GCNT1: variants seen among roughly 807,000 people sequenced by gnomAD.
GCNT1 encodes the protein beta-1,3-galactosyl-O-glycosyl-glycoprotein beta-1,6-N-acetylglucosaminyltransferase.
In GCNT1, 16 loss-of-function variants were observed where a neutral mutation model predicts 26.2. The observed-to-expected ratio is 0.61, with a 90% CI of 0.41 to 0.93. The LOEUF is 0.93. Among genes scored for constraint, GCNT1 ranks in the 40% least tolerant of loss-of-function variants. GCNT1 has a pLI of 0.00. For missense variants in GCNT1, 477 were observed against 526.7 expected (o/e 0.91, Z 0.92); for synonymous variants, 183 against 190.8 (o/e 0.96, Z 0.34).
chr9:76,481,551 T>C lies in GCNT1; in HGVS notation c.-289-19365T>C, dbSNP rs527975282. 2.0e-4 allele frequency among the ~76,000 whole-genome samples: 31 copies of C among 152,248 alleles called. No homozygotes were observed. The South Asian group carries it at 4.8e-3, about 23-fold the overall frequency. ...ACCCCTGCTTTAGAACATTGATTTGTATCAGTTATATATAAAAGCTGATTA... is the reference window on the plus strand; with the variant it reads ...ACCCCTGCTTTAGAACATTGATTTGCATCAGTTATATATAAAAGCTGATTA... On this transcript the variant is annotated intron_variant, in intron 2 of 3. Transcript: ENST00000376730.
chr9:76,394,817 T>A, the GCNT1 span, among the ~76,000 whole-genome samples: 18 of 152,210 alleles, frequency 1.2e-4, no homozygotes, highest in Admixed American at 3.3e-4. Flanking sequence ...AACCGCTGGG[T>A]TGAACGTCAG....
chr9:76,467,363 A>T (rs1241414923), intron 2 of GCNT1, among the ~76,000 whole-genome samples: 1 of 152,022 alleles, frequency 6.6e-6, no homozygotes, highest in African/African-American at 2.4e-5. Flanking sequence ...TTTGATGGGC[A>T]TCAAAGCCAC....
intron 2 of GCNT1, among the ~76,000 whole-genome samples, chr9:76,462,307 G>T (rs1419819460): frequency 1.3e-5 from 2 of 152,182 alleles, no homozygotes; most frequent in East Asian, 1.9e-4. Flanking sequence ...TGTGTTTCTT[G>T]TGGAGACTGT....
upstream of GCNT1, among the ~76,000 whole-genome samples, chr9:76,458,690 T>C (rs1823805952): frequency 6.6e-6 from 1 of 152,162 alleles, no homozygotes; most frequent in Non-Finnish European, 1.5e-5. Flanking sequence ...TTCCACAGTT[T>C]AATTTGATCT....
intron 2 of GCNT1, among the ~76,000 whole-genome samples, chr9:76,469,437 C>T (rs893946623): frequency 1.3e-5 from 2 of 152,144 alleles, no homozygotes; most frequent in Non-Finnish European, 2.9e-5. Context: ...GAGAGCACAG[C>T]GGGAGGGACA....
At chr9:76,423,686 C>CT (rs1823227871) in intron 1 of GCNT1, among the ~76,000 whole-genome samples, 1 of 152,146 alleles carries the variant, frequency 6.6e-6, no homozygotes, top group South Asian at 2.1e-4. Context: ...TGATGTTACG[C>CT]TTTTTTTCTC....
chr9:76,464,475 C>G (rs1823951470), intron 2 of GCNT1, among the ~76,000 whole-genome samples: 1 of 152,200 alleles, frequency 6.6e-6, no homozygotes, highest in Non-Finnish European at 1.5e-5. Context: ...CATTGGCCTC[C>G]CAGAGTGCTG....
intron 2 of GCNT1, among the ~76,000 whole-genome samples, chr9:76,484,195 C>T (rs888777273): frequency 6.6e-6 from 1 of 152,064 alleles, no homozygotes; most frequent in African/African-American, 2.4e-5. Context: ...AAGTTTAAGT[C>T]CAGCTTGGGC....
At chr9:76,497,585 G>A (rs1326118184) in intron 2 of GCNT1, among the ~76,000 whole-genome samples, 1 of 152,156 alleles carries the variant, frequency 6.6e-6, no homozygotes, top group African/African-American at 2.4e-5. Context: ...GTTTTTCAAA[G>A]CATGTGGGCC....
At chr9:76,440,856 G>A (rs981056403), upstream of GCNT1, among the ~76,000 whole-genome samples, 1 of 151,900 alleles carries the variant, frequency 6.6e-6, no homozygotes, top group African/African-American at 2.4e-5. Context: ...ACAAGGTCAG[G>A]AGATCAAGAC....
upstream of GCNT1, among the ~76,000 whole-genome samples, chr9:76,456,265 C>T (rs1029603318): frequency 6.6e-6 from 1 of 152,214 alleles, no homozygotes; most frequent in Non-Finnish European, 1.5e-5. Context: ...TTCTCCCTGG[C>T]TGCAGCAACA....
intron 2 of GCNT1, among the ~76,000 whole-genome samples, chr9:76,468,841 A>G (rs1824064767): frequency 6.6e-6 from 1 of 152,228 alleles, no homozygotes; most frequent in Non-Finnish European, 1.5e-5. Flanking sequence ...GCATTTGGGA[A>G]GTGGCTGTGT....
chr9:76,402,683 A>ATTT, the GCNT1 span, among the ~76,000 whole-genome samples: 3,169 of 147,416 alleles, frequency 0.021, 117 homozygotes, highest in African/African-American at 0.071. Flanking sequence ...TATTTGGCTG[A>ATTT]TTTTTTTTTT....
chr9:76,454,771 T>C (rs1290471867), upstream of GCNT1, among the ~76,000 whole-genome samples: 1 of 151,866 alleles, frequency 6.6e-6, no homozygotes, highest in Non-Finnish European at 1.5e-5. Flanking sequence ...TCCCCTGCTG[T>C]CATGATTAAA....
chr9:76,405,288 A>AACACACACACACACAC, the GCNT1 span, among the ~76,000 whole-genome samples: 9 of 149,642 alleles, frequency 6.0e-5, no homozygotes, highest in African/African-American at 1.2e-4. Context: ...CCTGACCTTC[A>AACACACACACACACAC]ACACACACAC....
chr9:76,405,565 T>C, the GCNT1 span, among the ~76,000 whole-genome samples: 1 of 152,198 alleles, frequency 6.6e-6, no homozygotes, highest in African/African-American at 2.4e-5. Context: ...TCACCCCTAA[T>C]CCTTGACAAC....
At position 76,503,152 on chromosome 9, in the gene GCNT1, G is replaced by A; in HGVS notation, c.771G>A (p.Lys257=). 3 of 1,614,180 alleles carry A rather than the reference G, an allele frequency of 1.9e-6. No homozygotes were observed. In the South Asian group the frequency reaches 3.3e-5, roughly 18 times the overall value. ...CCCATAAAGAAGAAAGGTGGAAGAA[G>A]CGGTATGAGGTCGTTAATGGAAAGC... ...MPSHKEERWK[K]RYEVVNGKLT... is the part of the protein sequence containing the mutation. The change falls in exon 4 of 4, where the codon AAG becomes AAA. Residue 257 remains lysine (K), a synonymous_variant. Transcript: ENST00000376730.
chr9:76,422,070 AG>A (rs966581503), intron 1 of GCNT1, among the ~76,000 whole-genome samples: 2 of 152,140 alleles, frequency 1.3e-5, no homozygotes, highest in African/African-American at 4.8e-5. Flanking sequence ...GAGTGCAAGA[AG>A]GGGAAACAGC....
intron 2 of GCNT1, among the ~76,000 whole-genome samples, chr9:76,493,505 T>G (rs1824808823): frequency 8.5e-5 from 13 of 152,194 alleles, no homozygotes. Flanking sequence ...CTTGATCTGC[T>G]TTAAGTCAGA....
Sources: allele counts gnomAD v4.1 joint callset (sites outside exome capture counted in the v4.1 genomes callset), GRCh38; gene constraint gnomAD v4.1.1; transcripts MANE v1.5; gene names NCBI Gene and HGNC (gene_info 2026-07-23, HGNC 2026-07-21).